FKTN: variants seen among roughly 807,000 people sequenced by gnomAD.
The protein encoded by FKTN is ribitol-5-phosphate transferase FKTN.
FKTN carries 47 observed loss-of-function variants against 58.6 expected under a neutral mutation model. The ratio of observed to expected loss-of-function variants is 0.80; its 90% confidence interval spans 0.63 to 1.02. The LOEUF is 1.02. Among genes scored for constraint, FKTN ranks in the 50% least tolerant of loss-of-function variants. The probability of loss-of-function intolerance (pLI) is 0.00; values close to 1 mark genes in which losing one functional copy is unlikely to be tolerated. For missense variants in FKTN, 516 were observed against 537.3 expected, an observed-to-expected ratio of 0.96 and a Z score of 0.39; for synonymous variants, 178 against 191.9, an observed-to-expected ratio of 0.93 and a Z score of 0.60.
At chr9:105,597,938 C>G (rs1827105624) in intron 4 of FKTN, 1 of 304,614 alleles carries the variant, frequency 3.3e-6, no homozygotes, top group South Asian at 3.1e-5. Flanking sequence ...CAACAACATT[C>G]TGACAACATT....
At position 105,601,062 on chromosome 9, in the gene FKTN, T is replaced by A. The variant is rs932244037; in HGVS notation, c.166-83T>A. 2.5e-5 allele frequency: 20 copies of A among 816,306 alleles called. No individual in the cohort carries two copies. In the African/African-American group the frequency reaches 3.2e-4, roughly 13 times the overall value. The allele number at this position is 816,306 out of a possible 1,614,324, so 50.6% of individuals were successfully genotyped here. On this transcript the variant is annotated intron_variant, in intron 4 of 10. Coordinates refer to ENST00000357998, the MANE Select transcript of FKTN (RefSeq NM_001079802.2). ...ATTGGGTAACTACTCTGCATTCTTATACAATTAATGAATTAAAATGTTATA... is the reference window on the plus strand; with the variant it reads ...ATTGGGTAACTACTCTGCATTCTTAAACAATTAATGAATTAAAATGTTATA...
rs1031905614 is a variant in FKTN, at chr9:105,637,819, G to A, written c.*2555G>A. 5 of 985,344 alleles carry A rather than the reference G, an allele frequency of 5.1e-6. No homozygotes were observed. Among genetic ancestry groups the A allele is most frequent in the Non-Finnish European group, 6.0e-6 (5 of 829,918 alleles). The allele number at this position is 985,344 out of a possible 1,614,324, so 61.0% of individuals were successfully genotyped here. A position where few individuals can be genotyped will look rare whatever the true frequency, so the allele number is the denominator to read the frequency against. On this transcript the variant is annotated 3_prime_UTR_variant, in exon 11 of 11. Transcript: ENST00000357998. ...TCACCCAGTCCTCTCTAAGCAGGGA[G>A]CACTTGTCCTTCTCTCCTCTGCTGC...
intron 10 of FKTN, among the ~76,000 whole-genome samples, chr9:105,634,298 A>C (rs905560260): frequency 2.0e-5 from 3 of 151,692 alleles, no homozygotes; most frequent in Non-Finnish European, 2.9e-5. Context: ...CACCCAGCTA[A>C]TTTCTTTGTA....
Position 105,604,504 on chromosome 9 carries a change from G to A in FKTN, c.647+12G>A, listed in dbSNP as rs372589966. The A allele has an allele frequency of 1.4e-4, 224 of 1,610,478 alleles. No homozygotes were observed. Among genetic ancestry groups the A allele is most frequent in the Non-Finnish European group, 1.9e-4 (218 of 1,176,872 alleles). Reference sequence around the variant, plus strand: ...GGAGCTTTTGACAGGTAAGTTCAGAGTCAAAACGTGAAATGTGAAATGAGT... The same window carrying A: ...GGAGCTTTTGACAGGTAAGTTCAGAATCAAAACGTGAAATGTGAAATGAGT... On this transcript the variant is annotated intron_variant, in intron 6 of 10. Transcript: ENST00000357998.
At chr9:105,614,971 C>T (rs375270754) in intron 7 of FKTN, among the ~76,000 whole-genome samples, 1 of 151,892 alleles carries the variant, frequency 6.6e-6, no homozygotes, top group South Asian at 2.1e-4. Context: ...GCAACCTCCA[C>T]CTCCCGGGTT....
chr9:105,560,038 A>G (rs1837996389), intron 1 of FKTN, among the ~76,000 whole-genome samples: 1 of 152,248 alleles, frequency 6.6e-6, no homozygotes, highest in Non-Finnish European at 1.5e-5. Flanking sequence ...GCAAATAATA[A>G]GCACCTACTT....
rs1274816465 is a variant in FKTN, at chr9:105,607,947, T to A, written c.776T>A (p.Phe259Tyr). The A allele has an allele frequency of 6.2e-7, 1 of 1,611,708 alleles. No homozygotes were observed. The highest frequency in any genetic ancestry group is 8.5e-7 in the Non-Finnish European group (1 of 1,178,082). The change falls in exon 7 of 11, where the codon TTT becomes TAT. Residue 259 changes from phenylalanine to tyrosine, a missense_variant. Coordinates refer to ENST00000357998, the MANE Select transcript of FKTN (RefSeq NM_001079802.2). ...ECRYKEARAF[F>Y]QQYLDDNTVE... is the part of the protein sequence containing the mutation. ...AGGTATAAAGAAGCTCGAGCATTCT[T>A]TCAGGTTAGAGACAACCAAATGTGT...
intron 10 of FKTN, among the ~76,000 whole-genome samples, chr9:105,634,612 T>C (rs1303115442): frequency 2.0e-5 from 3 of 152,180 alleles, no homozygotes; most frequent in African/African-American, 7.2e-5. Flanking sequence ...AGCCTGGAAA[T>C]GCAACTTGGA....
Position 105,558,811 on chromosome 9 carries a change from T to C in FKTN, c.-181+646T>C, listed in dbSNP as rs536690568. Among the ~76,000 whole-genome samples, 4 of 152,292 alleles carry C rather than the reference T, an allele frequency of 2.6e-5. 1 individual carries two copies. Among genetic ancestry groups the C allele is most frequent in the African/African-American group, 7.2e-5 (3 of 41,564 alleles). On this transcript the variant is annotated intron_variant, in intron 1 of 10. Coordinates refer to ENST00000357998, the MANE Select transcript of FKTN (RefSeq NM_001079802.2). ...AGAAAAGGCTGTGTTTGAGCTAGAC[T>C]CTGAGGATAAATAGGGTTTGAACGA... is the stretch of plus-strand genomic sequence containing the variant.
In FKTN at chr9:105,635,108, T is replaced by G. The variant is rs189927779; in HGVS notation, c.1230T>G (p.His410Gln). 1.2e-6 allele frequency: 2 copies of G among 1,614,044 alleles called. No homozygotes were observed. Among genetic ancestry groups the G allele is most frequent in the Non-Finnish European group, 1.7e-6 (2 of 1,180,010 alleles). The change falls in exon 11 of 11, where the codon CAT becomes CAG. Residue 410 changes from histidine to glutamine, a missense_variant. Transcript: ENST00000357998. ...CTGAGTTTGTAGACATGAAGGTCCA[T>G]GTACCCTGTGAAACCCTCGAATACA... ...CWTEFVDMKVHVPCETLEYIE... is the reference protein window; with the variant it reads ...CWTEFVDMKVQVPCETLEYIE...
Position 105,637,252 on chromosome 9 carries a change from G to A in FKTN, c.*1988G>A, listed in dbSNP as rs1394072973. The A allele has an allele frequency of 1.8e-5, 18 of 985,374 alleles. No individual in the cohort carries two copies. Among genetic ancestry groups the A allele is most frequent in the Non-Finnish European group, 2.0e-5 (17 of 829,966 alleles). 61.0% of individuals were successfully genotyped at this position (985,374 alleles called of 1,614,324 possible). A position where few individuals can be genotyped will look rare whatever the true frequency, so the allele number is the denominator to read the frequency against. On this transcript the variant is annotated 3_prime_UTR_variant, in exon 11 of 11. Transcript: ENST00000357998. ...TTTCCAATTGGGACTCCCATTCTTT[G>A]CCAGGAGATCTTACCCATCCCTTTT... is the stretch of plus-strand genomic sequence containing the variant.
intron 1 of FKTN, among the ~76,000 whole-genome samples, chr9:105,567,250 C>T (rs571591483): frequency 2.6e-5 from 4 of 152,264 alleles, no homozygotes; most frequent in East Asian, 1.9e-4. Flanking sequence ...GACAGGGATG[C>T]CCTCTCTCAC....
At chr9:105,571,003 G>C (rs760320940) in intron 1 of FKTN, among the ~76,000 whole-genome samples, 23 of 152,078 alleles carry the variant, frequency 1.5e-4, no homozygotes, top group Non-Finnish European at 2.9e-4. Context: ...TAGTAAATTT[G>C]CCTGTATTCA....
intron 1 of FKTN, among the ~76,000 whole-genome samples, chr9:105,559,934 G>A (rs1156732716): frequency 6.6e-6 from 1 of 152,112 alleles, no homozygotes; most frequent in African/African-American, 2.4e-5. Context: ...TCAGAGCTAA[G>A]AGCAAGGAAG....
At chr9:105,615,064 A>G (rs1056514612) in intron 7 of FKTN, among the ~76,000 whole-genome samples, 2 of 152,042 alleles carry the variant, frequency 1.3e-5, no homozygotes, top group African/African-American at 4.8e-5. Flanking sequence ...TTATGTTTTT[A>G]GTAGAGATGG....
At chr9:105,582,051 C>G (rs1843062625) in intron 3 of FKTN, among the ~76,000 whole-genome samples, 1 of 152,132 alleles carries the variant, frequency 6.6e-6, no homozygotes, top group African/African-American at 2.4e-5. Flanking sequence ...CACCCACTAG[C>G]CTGCGCCCAC....
intron 7 of FKTN, among the ~76,000 whole-genome samples, chr9:105,612,444 T>G (rs1048627696): frequency 1.3e-5 from 2 of 152,170 alleles, no homozygotes; most frequent in African/African-American, 2.4e-5. Context: ...TTTGGCATCT[T>G]CATGAAATTT....
chr9:105,565,087 C>G (rs879178977), intron 1 of FKTN, among the ~76,000 whole-genome samples: 3 of 152,130 alleles, frequency 2.0e-5, no homozygotes, highest in Non-Finnish European at 2.9e-5. Context: ...CCTTTACAGA[C>G]AAGCAAATGC....
chr9:105,561,080 G>A (rs1012016387), intron 1 of FKTN, among the ~76,000 whole-genome samples: 4 of 149,992 alleles, frequency 2.7e-5, no homozygotes, highest in East Asian at 2.0e-4. Flanking sequence ...GCAAGAATCC[G>A]TCTCAAAAAA....
Sources: allele counts gnomAD v4.1 joint callset (sites outside exome capture counted in the v4.1 genomes callset), GRCh38; gene constraint gnomAD v4.1.1; transcripts MANE v1.5; gene names NCBI Gene and HGNC (gene_info 2026-07-23, HGNC 2026-07-21).